Variants in DIS3L2 observed in about 807,000 individuals in gnomAD.
DIS3L2 encodes DIS3-like exonuclease 2.
Under a neutral mutation model 97.5 loss-of-function variants are expected in DIS3L2, and 34 were observed. The ratio of observed to expected loss-of-function variants is 0.35; its 90% CI spans 0.27 to 0.46. DIS3L2 has a LOEUF of 0.46. DIS3L2 is among the 20% of genes least tolerant of loss of function. DIS3L2 has a pLI of 1.00. For missense variants in DIS3L2, 1,038 were observed against 1,146.0 expected (o/e 0.91, Z 1.36); for synonymous variants, 435 against 445.2 (o/e 0.98, Z 0.29).
intron 6 of DIS3L2, among the ~76,000 whole-genome samples, chr2:232,088,999 T>C (rs989610035): frequency 6.6e-6 from 1 of 152,242 alleles, no homozygotes; most frequent in African/African-American, 2.4e-5. Context: ...CTAGGAGAAA[T>C]GCCAGAAGAT....
At chr2:232,181,295 G>T (rs1013125654) in intron 9 of DIS3L2, among the ~76,000 whole-genome samples, 22 of 151,922 alleles carry the variant, frequency 1.4e-4, no homozygotes, top group African/African-American at 5.1e-4. Context: ...GTGTCTTGGA[G>T]TTGCTCTTCT....
intron 12 of DIS3L2, among the ~76,000 whole-genome samples, chr2:232,249,849 G>A (rs960433363): frequency 6.6e-6 from 1 of 152,222 alleles, no homozygotes; most frequent in Non-Finnish European, 1.5e-5. Context: ...GGTCAGTGGT[G>A]CATCGTCATG....
intron 10 of DIS3L2, among the ~76,000 whole-genome samples, chr2:232,222,610 A>C (rs549443783): frequency 6.6e-6 from 1 of 152,156 alleles, no homozygotes; most frequent in Non-Finnish European, 1.5e-5. Flanking sequence ...AGCTGGGACT[A>C]CAGGCACCTG....
At chr2:232,210,002 A>T (rs1388225369) in intron 9 of DIS3L2, among the ~76,000 whole-genome samples, 1 of 152,200 alleles carries the variant, frequency 6.6e-6, no homozygotes, top group Non-Finnish European at 1.5e-5. Flanking sequence ...TAATTTACCA[A>T]AGTAACTTGC....
chr2:232,043,401 C>T (rs935881165), intron 5 of DIS3L2, among the ~76,000 whole-genome samples: 3 of 152,164 alleles, frequency 2.0e-5, no homozygotes, highest in Non-Finnish European at 4.4e-5. Context: ...GAAGTGCAAT[C>T]CTACCAAATG....
downstream of DIS3L2, among the ~76,000 whole-genome samples, chr2:232,341,544 A>G (rs964847085): frequency 3.3e-5 from 5 of 152,208 alleles, no homozygotes; most frequent in Admixed American, 3.3e-4. Flanking sequence ...ATCACCATAG[A>G]AATGCCGAGT....
At chr2:232,064,542 G>A (rs12466111) in intron 5 of DIS3L2, among the ~76,000 whole-genome samples, 7 of 152,010 alleles carry the variant, frequency 4.6e-5, no homozygotes, top group Non-Finnish European at 7.4e-5. Flanking sequence ...TATTTCTCTT[G>A]GTTAAGTAGG....
chr2:231,985,519 A>G (rs1308650073), intron 1 of DIS3L2, among the ~76,000 whole-genome samples: 1 of 152,202 alleles, frequency 6.6e-6, no homozygotes, highest in Non-Finnish European at 1.5e-5. Flanking sequence ...GCTATTATGA[A>G]TAAAGCTGCC....
Position 232,147,997 on chromosome 2 carries a change from T to TTCTCC in DIS3L2, c.950+11303_950+11307dup, listed in dbSNP as rs56996184. The stretch of plus-strand genomic sequence containing the variant: ...CTCCCCTCCCCTCCGCTCCCCTCTT[T>TTCTCC]TCTCCTCTCCTCTCCTCTCCTCTCC... On this transcript the variant is annotated intron_variant, in intron 8 of 20. Coordinates refer to ENST00000325385, the MANE Select transcript of DIS3L2 (RefSeq NM_152383.5). Among the ~76,000 whole-genome samples, 973 of 97,542 alleles carry TTCTCC rather than the reference T, an allele frequency of 1.0e-2. 21 individuals carry two copies. Among genetic ancestry groups the TTCTCC allele is most frequent in the African/African-American group, 0.034 (820 of 24,008 alleles). The allele number at this position is 97,542 out of a possible 152,430, so 64.0% of individuals were successfully genotyped here.
intron 10 of DIS3L2, among the ~76,000 whole-genome samples, chr2:232,224,838 T>TAA (rs767838664): frequency 4.1e-5 from 5 of 121,694 alleles, no homozygotes; most frequent in African/African-American, 6.1e-5. Flanking sequence ...ACTCTGTCTT[T>TAA]AAAAAAAAAA....
intron 6 of DIS3L2, among the ~76,000 whole-genome samples, chr2:232,120,869 C>T (rs1302062096): frequency 3.9e-5 from 6 of 152,104 alleles, no homozygotes; most frequent in African/African-American, 7.2e-5. Flanking sequence ...TTAACCCTTC[C>T]CCTGGGTTCT....
intron 9 of DIS3L2, among the ~76,000 whole-genome samples, chr2:232,183,792 G>A (rs989931738): frequency 3.3e-5 from 5 of 152,182 alleles, no homozygotes; most frequent in Admixed American, 2.6e-4. Context: ...AGTGAACAAG[G>A]TTTGATGAAG....
chr2:232,221,406 C>T (rs781213338), intron 10 of DIS3L2, among the ~76,000 whole-genome samples: 2 of 152,142 alleles, frequency 1.3e-5, no homozygotes, highest in Non-Finnish European at 2.9e-5. Context: ...GGAAGGGCAT[C>T]CTTTTGAAAT....
rs1276165634 is a variant in DIS3L2 at position 232,246,788 on chromosome 2, T to TC, written c.1318-2451_1318-2450insC. 2.7e-5 allele frequency among the ~76,000 whole-genome samples: 3 copies of TC among 112,856 alleles called. No individual in the cohort carries two copies. In the East Asian group the frequency reaches 8.2e-4, roughly 31 times the overall value. 74.0% of individuals were successfully genotyped at this position (112,856 alleles called of 152,430 possible). A position where few individuals can be genotyped will look rare whatever the true frequency, so the allele number is the denominator to read the frequency against. ...TATCTGAACCCCAAATTCCAACATATAGAAACAGATCAGGTTTTCACTAAA... is the reference window on the plus strand; with the variant it reads ...TATCTGAACCCCAAATTCCAACATATCAGAAACAGATCAGGTTTTCACTAAA... On this transcript the variant is annotated intron_variant, in intron 11 of 20. Transcript: ENST00000325385.
intron 10 of DIS3L2, among the ~76,000 whole-genome samples, chr2:232,210,612 G>A (rs1400085598): frequency 6.6e-6 from 1 of 152,228 alleles, no homozygotes; most frequent in East Asian, 1.9e-4. Context: ...GTGAGAATGA[G>A]AAATGTCCTC....
chr2:232,090,939 G>A (rs1024864505), intron 6 of DIS3L2, among the ~76,000 whole-genome samples: 5 of 152,194 alleles, frequency 3.3e-5, no homozygotes, highest in African/African-American at 7.2e-5. Context: ...CTGTCATTGC[G>A]TTAAGAGAAA....
chr2:232,173,996 T>TTGC (rs1257481569), intron 9 of DIS3L2, among the ~76,000 whole-genome samples: 1 of 152,196 alleles, frequency 6.6e-6, no homozygotes, highest in Non-Finnish European at 1.5e-5. Flanking sequence ...TTCATAAGAA[T>TTGC]TGCTCTGAGT....
intron 7 of DIS3L2, chr2:232,131,124 C>A: frequency 6.1e-6 from 1 of 164,448 alleles, no homozygotes; most frequent in Non-Finnish European, 1.3e-5. Context: ...ATGCCCATAC[C>A]TAATTTAAAA....
intron 5 of DIS3L2, among the ~76,000 whole-genome samples, chr2:232,061,892 A>G (rs562814449): frequency 1.2e-4 from 19 of 152,348 alleles, no homozygotes; most frequent in African/African-American, 4.3e-4. Context: ...TTATTCTTCA[A>G]GGTGCTGATG....
Sources: gnomAD v4.1 joint callset for allele counts (sites outside exome capture counted in the v4.1 genomes callset) on GRCh38, gnomAD v4.1.1 for gene constraint, MANE v1.5 for transcripts, NCBI Gene and HGNC (gene_info 2026-07-23, HGNC 2026-07-21) for gene names.